The following BRSK2 variants were observed in gnomAD, a reference collection of about 807,000 sequenced individuals.
BRSK2 encodes serine/threonine-protein kinase BRSK2.
BRSK2 carries 19 observed loss-of-function variants against 83.3 expected under a neutral mutation model. The ratio of observed to expected loss-of-function variants is 0.23; its 90% CI spans 0.16 to 0.33. The LOEUF (loss-of-function observed/expected upper bound fraction) is 0.33, where lower values mean the gene tolerates loss of function less well. BRSK2 is among the 10% of genes least tolerant of loss of function. The pLI is 1.00. For missense variants in BRSK2, 798 were observed against 1,042.3 expected (o/e 0.77, Z 3.23); for synonymous variants, 519 against 435.4 (o/e 1.19, Z -2.39).
chr11:1,391,207 C>T (rs1460506452), intron 1 of BRSK2, among the ~76,000 whole-genome samples: 4 of 152,240 alleles, frequency 2.6e-5, no homozygotes, highest in Non-Finnish European at 4.4e-5. Context: ...TGGTCAGGCA[C>T]ATTCACAGAG....
In BRSK2 at chr11:1,438,427, G is replaced by A. The variant is rs2133038911; in HGVS notation, c.272+36G>A. 3.8e-6 allele frequency: 6 copies of A among 1,597,816 alleles called. No homozygotes were observed. Among genetic ancestry groups the A allele is most frequent in the Non-Finnish European group, 4.3e-6 (5 of 1,165,928 alleles). The stretch of plus-strand genomic sequence containing the variant: ...CTGGGTCTGAAGAGCTGGGGTGGCG[G>A]AGGTGGCAGCTGTCGCTGCAGGGGT... On this transcript the variant is annotated intron_variant, in intron 3 of 19. Coordinates refer to ENST00000528841, the MANE Select transcript of BRSK2 (RefSeq NM_001256627.2). This position sits in a 1 kb window ranked among gnomAD's most constrained non-coding sequence, Gnocchi z 6.4.
At chr11:1,455,924 G>A (rs1029164334) in intron 16 of BRSK2, among the ~76,000 whole-genome samples, 2 of 146,448 alleles carry the variant, frequency 1.4e-5, no homozygotes, top group Non-Finnish European at 3.0e-5. Flanking sequence ...CCAGCAGGAG[G>A]GCACAGCCCC....
chr11:1,450,858 G>A (rs1469734387), intron 14 of BRSK2, 64 bp downstream of exon 14: 13 of 1,451,350 alleles, frequency 9.0e-6, no homozygotes, highest in Admixed American at 5.3e-5. Flanking sequence ...CTTGGGGAGG[G>A]CCCCGCCCGG....
Position 1,452,528 on chromosome 11 carries a change from C to T in BRSK2, c.1544+1109C>T, listed in dbSNP as rs117973349. Among the ~76,000 whole-genome samples the T allele has an allele frequency of 7.8e-3, 1,182 of 152,364 alleles. 8 individuals are homozygous for T. The highest frequency in any genetic ancestry group is 0.013 in the South Asian group (64 of 4,830). ...GCTTTGATGCCACTGTGGCTGCCTG[C>T]GCTTCTCCCCTCCCCCATCTTGAGA... On this transcript the variant is annotated intron_variant, in intron 15 of 19. Coordinates refer to ENST00000528841, the MANE Select transcript of BRSK2 (RefSeq NM_001256627.2).
chr11:1,436,999 G>C (rs1358850459), intron 2 of BRSK2, among the ~76,000 whole-genome samples: 1 of 151,946 alleles, frequency 6.6e-6, no homozygotes, highest in Non-Finnish European at 1.5e-5. Flanking sequence ...CCTATGGGGA[G>C]GTGGGGGTGG....
intron 1 of BRSK2, among the ~76,000 whole-genome samples, chr11:1,428,777 C>T (rs796872138): frequency 5.3e-5 from 8 of 152,044 alleles, no homozygotes; most frequent in African/African-American, 1.9e-4. Context: ...TGTGTGTGCA[C>T]TGCGGGTGTG....
intron 1 of BRSK2, among the ~76,000 whole-genome samples, chr11:1,402,226 C>T (rs1465058413): frequency 3.3e-5 from 5 of 152,320 alleles, no homozygotes; most frequent in South Asian, 4.1e-4. Context: ...CTCCCCGGGG[C>T]GGGGCAGGCA....
chr11:1,410,190 G>A (rs1255240647), intron 1 of BRSK2, among the ~76,000 whole-genome samples: 1 of 96,266 alleles, frequency 1.0e-5, no homozygotes, highest in Non-Finnish European at 2.0e-5. Flanking sequence ...CGTCGGCCTC[G>A]CAGAGTGGTG....
At chr11:1,391,175 T>C (rs1385277945) in intron 1 of BRSK2, among the ~76,000 whole-genome samples, 1 of 152,162 alleles carries the variant, frequency 6.6e-6, no homozygotes, top group Non-Finnish European at 1.5e-5. Flanking sequence ...CCCGGCCCGC[T>C]GGGTTTGGCT....
intron 5 of BRSK2, 75 bp from the exon 6 acceptor site, chr11:1,443,031 C>A: frequency 6.8e-7 from 1 of 1,475,444 alleles, no homozygotes; most frequent in Non-Finnish European, 9.0e-7. Flanking sequence ...GAGGGCCCTG[C>A]GGTGCACCAT....
chr11:1,448,309 G>C (rs537449544), intron 12 of BRSK2, among the ~76,000 whole-genome samples: 3 of 152,162 alleles, frequency 2.0e-5, no homozygotes, highest in Non-Finnish European at 1.5e-5. Context: ...CCAGTTTTGC[G>C]AGCCTGGGCG....
chr11:1,445,877 G>A lies in BRSK2; in HGVS notation c.1196G>A (p.Arg399Gln), dbSNP rs746658894. 60 of 1,611,222 alleles carry A rather than the reference G, an allele frequency of 3.7e-5. No individual in the cohort carries two copies. Among genetic ancestry groups the A allele is most frequent in the South Asian group, 1.1e-4 (10 of 91,006 alleles). Residue 399 changes from arginine (R) to glutamine (Q), a missense_variant, in exon 12 of 20, where the codon CGG (arginine) becomes CAG (glutamine). Transcript: ENST00000528841. ...TDGGSPVPAR[R>Q]AIEMAQHGQR... ...GGCGGCTCCCCGGTGCCTGCGCGGCGGGCCATTGAGATGGCCCAGCACGGC... is the reference window on the plus strand; with the variant it reads ...GGCGGCTCCCCGGTGCCTGCGCGGCAGGCCATTGAGATGGCCCAGCACGGC...
chr11:1,426,202 G>A (rs1222313280), intron 1 of BRSK2, among the ~76,000 whole-genome samples: 3 of 152,102 alleles, frequency 2.0e-5, no homozygotes, highest in African/African-American at 7.2e-5. Context: ...TGGGGGCCTG[G>A]CACACAGCGG....
intron 1 of BRSK2, among the ~76,000 whole-genome samples, chr11:1,395,765 G>T (rs1353767112): frequency 6.6e-6 from 1 of 152,308 alleles, no homozygotes; most frequent in Non-Finnish European, 1.5e-5. Context: ...GTGCGTGCAC[G>T]CCGTGGATTT....
chr11:1,443,612 G>C lies in BRSK2; in HGVS notation c.757G>C (p.Val253Leu). 1.2e-6 allele frequency: 2 copies of C among 1,605,114 alleles called. No individual in the cohort carries two copies. Among genetic ancestry groups the C allele is most frequent in the Non-Finnish European group, 1.7e-6 (2 of 1,175,900 alleles). Residue 253 changes from valine to leucine, a missense_variant, in exon 8 of 20, where the codon GTG becomes CTG. This residue lies in a region of BRSK2 where 145 missense variants were observed against 225.4 expected (regional missense o/e 0.64). Transcript: ENST00000528841. ...CQSLLRGMIE[V>L]DAARRLTLEH... ...GAGTCTGCTACGGGGCATGATCGAG[G>C]TGGACGCCGCACGCCGCCTCACGGT...
rs1554914637 is a variant in BRSK2 at position 1,454,158 on chromosome 11, G to GGGGGGCTCACCTGT, written c.1545-322_1545-321insCTCACCTGTGGGGG. The GGGGGGCTCACCTGT allele has an allele frequency of 3.4e-5, 6 of 178,148 alleles. No individual in the cohort carries two copies. The East Asian group carries it at 6.9e-4, about 20-fold the overall frequency. The allele number at this position is 178,148 out of a possible 1,614,324, so 11.0% of individuals were successfully genotyped here. Reference sequence around the variant, plus strand: ...CCACCTCTCACAGCGGCCTTGGTGAGGGGGGGCTCACCTGTGGGGGGCTCA... The same window carrying GGGGGGCTCACCTGT: ...CCACCTCTCACAGCGGCCTTGGTGAGGGGGGCTCACCTGTGGGGGGCTCACCTGTGGGGGGCTCA... On this transcript the variant is annotated intron_variant, in intron 15 of 19. Transcript: ENST00000528841. The surrounding 1 kb of genome is among the most constrained non-coding windows in gnomAD (Gnocchi z 5.2).
intron 12 of BRSK2, among the ~76,000 whole-genome samples, chr11:1,448,357 C>T (rs574806847): frequency 2.3e-4 from 35 of 152,296 alleles, no homozygotes; most frequent in African/African-American, 6.7e-4. Flanking sequence ...TGCTGGCTGC[C>T]GGTCGGGGTC....
At chr11:1,435,969 T>A (rs1850249188) in intron 1 of BRSK2, 71 bp from the exon 2 acceptor site, 2 of 1,209,796 alleles carry the variant, frequency 1.7e-6, no homozygotes, top group Non-Finnish European at 2.4e-6. Flanking sequence ...GCCCCCAACC[T>A]GCACTGTCCG....
chr11:1,442,405 T>A lies in BRSK2; in HGVS notation c.414-85T>A, dbSNP rs978922885. 4 of 1,001,748 alleles carry A rather than the reference T, an allele frequency of 4.0e-6. No homozygotes were observed. In the African/African-American group the frequency reaches 4.8e-5, roughly 12 times the overall value. The allele number at this position is 1,001,748 out of a possible 1,614,324, so 62.1% of individuals were successfully genotyped here. A position where few individuals can be genotyped will look rare whatever the true frequency, so the allele number is the denominator to read the frequency against. On this transcript the variant is annotated intron_variant, in intron 4 of 19. Coordinates refer to ENST00000528841, the MANE Select transcript of BRSK2 (RefSeq NM_001256627.2). ...GTGTGATTGGCGTTTGGAGAGGCAGTGGGCTCTGGGCAGGGGGTCTCCAGG... is the reference window on the plus strand; with the variant it reads ...GTGTGATTGGCGTTTGGAGAGGCAGAGGGCTCTGGGCAGGGGGTCTCCAGG...
Sources: gnomAD v4.1 joint callset for allele counts (sites outside exome capture counted in the v4.1 genomes callset) on GRCh38, gnomAD v4.1.1 for gene constraint, gnomAD v4.1.1 regional missense constraint, Gnocchi (gnomAD v3.1) non-coding constraint, MANE v1.5 for transcripts, NCBI Gene and HGNC (gene_info 2026-07-23, HGNC 2026-07-21) for gene names.